The following ACAP2 variants were observed in gnomAD, a reference collection of about 807,000 sequenced individuals.
ACAP2 encodes the protein arf-GAP with coiled-coil, ANK repeat and PH domain-containing protein 2.
In ACAP2, 39 loss-of-function variants were observed where a neutral mutation model predicts 115.8. The observed-to-expected ratio is 0.34, with a 90% CI of 0.26 to 0.44. ACAP2 has a LOEUF of 0.44. Ranked by LOEUF, ACAP2 falls within the 20% of genes least tolerant of loss-of-function variation. The pLI is 1.00. For missense variants in ACAP2, 662 were observed against 927.6 expected, an observed-to-expected ratio of 0.71 and a Z score of 3.72; for synonymous variants, 289 against 315.8, an observed-to-expected ratio of 0.92 and a Z score of 0.90.
intron 1 of ACAP2, among the ~76,000 whole-genome samples, chr3:195,427,373 A>G (rs1284155401): frequency 1.3e-5 from 2 of 152,086 alleles, no homozygotes; most frequent in African/African-American, 2.4e-5. Flanking sequence ...GTAATTTGCT[A>G]TAACGGCAAT....
intron 2 of ACAP2, among the ~76,000 whole-genome samples, chr3:195,387,742 C>A (rs1266069768): frequency 6.6e-6 from 1 of 152,218 alleles, no homozygotes; most frequent in African/African-American, 2.4e-5. Flanking sequence ...AGGCGTGAGC[C>A]ACCACTCCCA....
At chr3:195,342,706 C>CT in intron 5 of ACAP2, 52 bp from the exon 6 acceptor site, 2 of 1,479,610 alleles carry the variant, frequency 1.4e-6, no homozygotes, top group South Asian at 1.4e-5. Flanking sequence ...CATTAAAAAA[C>CT]TTTAGCAGGC....
At chr3:195,340,454 C>T (rs1407969080) in intron 6 of ACAP2, among the ~76,000 whole-genome samples, 1 of 151,708 alleles carries the variant, frequency 6.6e-6, no homozygotes, top group African/African-American at 2.4e-5. Context: ...GTGATTCAAG[C>T]AAGGGGCATG....
chr3:195,428,331 T>G (rs1265121361), intron 1 of ACAP2, among the ~76,000 whole-genome samples: 1 of 135,478 alleles, frequency 7.4e-6, no homozygotes, highest in African/African-American at 2.8e-5. Context: ...TATATAGGTG[T>G]GTGTGTATAT....
intron 12 of ACAP2, 29 bp downstream of exon 12, chr3:195,307,194 C>T (rs781238382): frequency 2.6e-6 from 4 of 1,560,512 alleles, no homozygotes; most frequent in African/African-American, 1.4e-5. Context: ...AACATAAAAG[C>T]AAATCACAGA....
intron 9 of ACAP2, 80 bp from the exon 10 acceptor site, chr3:195,320,893 T>A: frequency 2.2e-6 from 2 of 890,262 alleles, no homozygotes; most frequent in Non-Finnish European, 3.6e-6. Flanking sequence ...AGAAAAGAGT[T>A]CAAAAGGAAG....
chr3:195,310,543 T>G (rs1212233886), intron 10 of ACAP2, among the ~76,000 whole-genome samples: 1 of 152,240 alleles, frequency 6.6e-6, no homozygotes, highest in African/African-American at 2.4e-5. Context: ...ACAAAATCAT[T>G]TGTTTTATAT....
chr3:195,406,984 T>A (rs935747848), intron 1 of ACAP2, among the ~76,000 whole-genome samples: 4 of 152,124 alleles, frequency 2.6e-5, no homozygotes, highest in Non-Finnish European at 1.5e-5. Flanking sequence ...AATCTTGTCA[T>A]GTAACATATT....
intron 1 of ACAP2, among the ~76,000 whole-genome samples, chr3:195,414,896 T>A (rs1020063094): frequency 1.4e-4 from 21 of 152,164 alleles, no homozygotes; most frequent in Admixed American, 6.6e-5. Flanking sequence ...CTATACACTG[T>A]ATTTCAACAA....
chr3:195,303,119 G>C (rs1232809784), intron 13 of ACAP2, among the ~76,000 whole-genome samples: 1 of 152,218 alleles, frequency 6.6e-6, no homozygotes, highest in Non-Finnish European at 1.5e-5. Flanking sequence ...AGGAGGCTGA[G>C]ACATGAGAAT....
Position 195,431,836 on chromosome 3 carries a change from T to C in ACAP2, c.53+10959A>G, listed in dbSNP as rs1054937602. On this transcript the variant is annotated intron_variant, in intron 1 of 22. Transcript: ENST00000326793. Reference sequence around the variant, plus strand: ...TCCCACTGGCAGTGCATGAGGGTTCTAACAGCTCCACATTCTTCCCAATGC... The same window carrying C: ...TCCCACTGGCAGTGCATGAGGGTTCCAACAGCTCCACATTCTTCCCAATGC... Among the ~76,000 whole-genome samples the C allele has an allele frequency of 1.2e-4, 19 of 152,234 alleles. No individual in the cohort carries two copies. The South Asian group carries it at 1.5e-3, about 12-fold the overall frequency.
intron 4 of ACAP2, among the ~76,000 whole-genome samples, chr3:195,351,129 T>TTG (rs75945777): frequency 3.0e-5 from 4 of 131,832 alleles, no homozygotes; most frequent in Non-Finnish European, 1.6e-5. Context: ...TTTTTTTTTT[T>TTG]GGGCGGGGGA....
At chr3:195,367,438 T>A (rs28375276) in intron 4 of ACAP2, among the ~76,000 whole-genome samples, 15 of 152,174 alleles carry the variant, frequency 9.9e-5, no homozygotes, top group African/African-American at 3.4e-4. Context: ...TGGGGATTAG[T>A]TGACTATTGT....
intron 10 of ACAP2, among the ~76,000 whole-genome samples, chr3:195,310,305 C>T (rs987728816): frequency 2.6e-5 from 4 of 152,132 alleles, no homozygotes; most frequent in Non-Finnish European, 5.9e-5. Flanking sequence ...ATAAAATGAG[C>T]TGGGTTGCCT....
At chr3:195,404,527 T>C (rs919242270) in intron 1 of ACAP2, among the ~76,000 whole-genome samples, 1 of 151,884 alleles carries the variant, frequency 6.6e-6, no homozygotes, top group African/African-American at 2.4e-5. Context: ...GGAAGAAAGG[T>C]AAGTAACCAG....
intron 4 of ACAP2, among the ~76,000 whole-genome samples, chr3:195,360,276 AAAG>A (rs1732264698): frequency 6.6e-6 from 1 of 152,224 alleles, no homozygotes; most frequent in Non-Finnish European, 1.5e-5. Context: ...TTTAAGAGAC[AAAG>A]AAGGTCATTA....
intron 6 of ACAP2, among the ~76,000 whole-genome samples, chr3:195,341,971 T>C (rs1005850759): frequency 6.6e-6 from 1 of 151,922 alleles, no homozygotes; most frequent in South Asian, 2.1e-4. Context: ...AGTGGTGTAA[T>C]GTGCACTGGA....
At chr3:195,394,729 A>G (rs890583021) in intron 1 of ACAP2, among the ~76,000 whole-genome samples, 3 of 152,162 alleles carry the variant, frequency 2.0e-5, no homozygotes, top group African/African-American at 7.2e-5. Context: ...GTCTCTCAAA[A>G]AATTCCAAAT....
intron 1 of ACAP2, among the ~76,000 whole-genome samples, chr3:195,433,831 G>A (rs1560368734): frequency 6.6e-6 from 1 of 152,244 alleles, no homozygotes; most frequent in East Asian, 1.9e-4. Context: ...TTTATATGGT[G>A]CTATATTCAG....
Sources: gnomAD v4.1 joint callset for allele counts (sites outside exome capture counted in the v4.1 genomes callset) on GRCh38, gnomAD v4.1.1 for gene constraint, MANE v1.5 for transcripts, NCBI Gene and HGNC (gene_info 2026-07-23, HGNC 2026-07-21) for gene names.